Variants in SNX24 observed in about 807,000 individuals in gnomAD.
SNX24 encodes the protein sorting nexin-24.
Under a neutral mutation model 28.7 loss-of-function variants are expected in SNX24, and 22 were observed. The ratio of observed to expected loss-of-function variants is 0.77; its 90% CI spans 0.55 to 1.10. The LOEUF is 1.10. SNX24 is among the 50% of genes least tolerant of loss of function. The pLI, the probability that SNX24 is intolerant of heterozygous loss-of-function variation, is 0.00. For synonymous variants in SNX24, 69 were observed against 71.5 expected (o/e 0.96, Z 0.18); for missense variants, 221 against 201.1 (o/e 1.10, Z -0.60).
chr5:122,975,053 C>T (rs185380988), intron 3 of SNX24, among the ~76,000 whole-genome samples: 1 of 152,320 alleles, frequency 6.6e-6, no homozygotes, highest in Non-Finnish European at 1.5e-5. Flanking sequence ...TTTGGGCCCT[C>T]TGGAATCAAT....
At chr5:122,934,945 A>G (rs1165162509) in intron 1 of SNX24, among the ~76,000 whole-genome samples, 13 of 151,866 alleles carry the variant, frequency 8.6e-5, no homozygotes, top group African/African-American at 3.1e-4. Context: ...AGAAGAGATG[A>G]CATTCCATGA....
At chr5:122,919,024 A>G (rs1758304357) in intron 1 of SNX24, among the ~76,000 whole-genome samples, 1 of 152,218 alleles carries the variant, frequency 6.6e-6, no homozygotes, top group Non-Finnish European at 1.5e-5. Context: ...CAGAGATACA[A>G]ACCAGTAGCT....
chr5:122,952,244 T>C (rs1759974904), intron 3 of SNX24, among the ~76,000 whole-genome samples: 1 of 152,192 alleles, frequency 6.6e-6, no homozygotes, highest in Non-Finnish European at 1.5e-5. Context: ...AAGCAATGTC[T>C]GCATGGAACA....
At chr5:122,953,057 T>TCTTTCTTTCTTC (rs138020508) in intron 3 of SNX24, among the ~76,000 whole-genome samples, 109,607 of 149,974 alleles carry the variant, frequency 0.73, 40,985 homozygotes, top group East Asian at 0.98. Flanking sequence ...GCGATTTCTT[T>TCTTTCTTTCTTC]CTTTCTTTCT....
intron 1 of SNX24, among the ~76,000 whole-genome samples, chr5:122,903,452 C>T (rs1319407323): frequency 6.6e-6 from 1 of 152,156 alleles, no homozygotes; most frequent in Non-Finnish European, 1.5e-5. Flanking sequence ...TATGTTTCTT[C>T]TATACCAACT....
At position 122,952,287 on chromosome 5, in the gene SNX24, G is replaced by A. The variant is rs146829064; in HGVS notation, c.249+6128G>A. 1.6e-3 allele frequency among the ~76,000 whole-genome samples: 249 copies of A among 152,266 alleles called. 2 individuals carry two copies. The highest frequency in any genetic ancestry group is 5.7e-3 in the African/African-American group (236 of 41,556). On this transcript the variant is annotated intron_variant, in intron 3 of 6. Coordinates refer to ENST00000261369, the MANE Select transcript of SNX24 (RefSeq NM_014035.4). The stretch of plus-strand genomic sequence containing the variant: ...AGGCTACTCATTCTATGCAGAATAC[G>A]TGCAGCCTGATGTTTGTGACCAGAT...
chr5:123,010,958 A>T (rs1296554618), downstream of SNX24, among the ~76,000 whole-genome samples: 1 of 151,960 alleles, frequency 6.6e-6, no homozygotes, highest in African/African-American at 2.4e-5. Context: ...AATTTGTGTA[A>T]CCACTACCAT....
intron 1 of SNX24, among the ~76,000 whole-genome samples, chr5:122,894,818 C>G (rs938702408): frequency 2.6e-5 from 4 of 152,188 alleles, no homozygotes; most frequent in Non-Finnish European, 4.4e-5. Context: ...TGAGTGTTGA[C>G]TGCACATTCT....
At chr5:123,023,807 A>AC (rs1554081579) in intron 5 of SNX24, 3 of 1,293,842 alleles carry the variant, frequency 2.3e-6, no homozygotes, top group Non-Finnish European at 3.1e-6. Context: ...AAGACAACAC[A>AC]ACACACACAC....
At chr5:122,850,260 T>A (rs1754832832) in intron 1 of SNX24, among the ~76,000 whole-genome samples, 1 of 152,182 alleles carries the variant, frequency 6.6e-6, no homozygotes, top group Admixed American at 6.5e-5. Context: ...AGGGTCCATT[T>A]CCAGGTTTGT....
In SNX24 at chr5:123,007,889, G is replaced by A; in HGVS notation, c.*140G>A. On this transcript the variant is annotated 3_prime_UTR_variant, in exon 7 of 7. Transcript: ENST00000261369. ...AAGTGCACAGTCCCAGCTTAATTCA[G>A]GGCAGGGACATTTCCATTAGAATGG... The A allele has an allele frequency of 1.4e-6, 2 of 1,460,656 alleles. No individual in the cohort carries two copies. Among genetic ancestry groups the A allele is most frequent in the South Asian group, 2.9e-5 (2 of 70,012 alleles). 90.5% of individuals were successfully genotyped at this position (1,460,656 alleles called of 1,614,324 possible).
At position 122,967,670 on chromosome 5, in the gene SNX24, C is replaced by T. The variant is rs144735677; in HGVS notation, c.249+21511C>T. 2.8e-4 allele frequency among the ~76,000 whole-genome samples: 42 copies of T among 152,288 alleles called. No homozygotes were observed. The East Asian group carries it at 5.6e-3, about 20-fold the overall frequency. On this transcript the variant is annotated intron_variant, in intron 3 of 6. Coordinates refer to ENST00000261369, the MANE Select transcript of SNX24 (RefSeq NM_014035.4). ...AGACTGCCTGGGGTCACATTTGATA[C>T]GGGCATCCCCACAACCAGGGGCCTG...
chr5:122,927,064 T>C (rs1232055525), intron 1 of SNX24, among the ~76,000 whole-genome samples: 1 of 152,258 alleles, frequency 6.6e-6, no homozygotes, highest in Non-Finnish European at 1.5e-5. Flanking sequence ...ATTGTTTGGA[T>C]TCTTGCTAAA....
intron 1 of SNX24, among the ~76,000 whole-genome samples, chr5:122,931,327 AT>A (rs1313050251): frequency 6.6e-6 from 1 of 152,158 alleles, no homozygotes; most frequent in Admixed American, 6.5e-5. Flanking sequence ...TATCATAATA[AT>A]TCTTTACAAT....
intron 3 of SNX24, among the ~76,000 whole-genome samples, chr5:122,981,827 G>A (rs1027602293): frequency 6.6e-6 from 1 of 152,154 alleles, no homozygotes; most frequent in Non-Finnish European, 1.5e-5. Flanking sequence ...AAAAGTGGTA[G>A]TGCCTTCCTT....
chr5:122,948,143 T>G (rs556692360), intron 3 of SNX24, among the ~76,000 whole-genome samples: 1 of 152,214 alleles, frequency 6.6e-6, no homozygotes, highest in East Asian at 1.9e-4. Flanking sequence ...TTGATTCTAT[T>G]TGCAGGCAAT....
intron 4 of SNX24, 100 bp downstream of exon 4, chr5:123,000,106 G>A (rs757567491): frequency 1.4e-5 from 11 of 811,024 alleles, no homozygotes; most frequent in African/African-American, 6.8e-5. Context: ...GTAGCCTGCC[G>A]GCCACGCCCA....
At chr5:122,990,169 G>A (rs1274221017) in intron 3 of SNX24, among the ~76,000 whole-genome samples, 1 of 152,110 alleles carries the variant, frequency 6.6e-6, no homozygotes, top group East Asian at 1.9e-4. Flanking sequence ...CATCTTATAA[G>A]TCTGTTGTCA....
chr5:122,978,031 A>G (rs1761240472), intron 3 of SNX24, among the ~76,000 whole-genome samples: 1 of 152,124 alleles, frequency 6.6e-6, no homozygotes, highest in Non-Finnish European at 1.5e-5. Context: ...TTTTTTTCAT[A>G]TTGAAGATAT....
Sources: allele counts gnomAD v4.1 joint callset (sites outside exome capture counted in the v4.1 genomes callset), GRCh38; gene constraint gnomAD v4.1.1; transcripts MANE v1.5; gene names NCBI Gene and HGNC (gene_info 2026-07-23, HGNC 2026-07-21).